SORBS2: variants seen among roughly 807,000 people sequenced by gnomAD.
SORBS2 encodes sorbin and SH3 domain-containing protein 2.
SORBS2 carries 46 observed loss-of-function variants against 97.7 expected under a neutral mutation model. That is an observed-to-expected ratio of 0.47 (90% confidence interval 0.37 to 0.60). The LOEUF (loss-of-function observed/expected upper bound fraction) is 0.60. SORBS2 is among the 20% of genes least tolerant of loss of function. The pLI is 0.00. For synonymous variants in SORBS2, 476 were observed against 473.4 expected (o/e 1.01, Z -0.07); for missense variants, 1,316 against 1,282.3 (o/e 1.03, Z -0.40).
intron 9 of SORBS2, among the ~76,000 whole-genome samples, chr4:185,617,030 T>C (rs1208952346): frequency 6.6e-6 from 1 of 152,254 alleles, no homozygotes; most frequent in Non-Finnish European, 1.5e-5. Context: ...ATTACAGGCA[T>C]GAGCCACCGT....
At chr4:185,654,803 A>G (rs1363800638) in intron 1 of SORBS2, among the ~76,000 whole-genome samples, 2 of 68,524 alleles carry the variant, frequency 2.9e-5, no homozygotes, top group Non-Finnish European at 7.5e-5. Flanking sequence ...GCAATTCACT[A>G]TGCCGTTTTT....
Position 185,886,694 on chromosome 4 carries a change from A to G in SORBS2, c.-338+69502T>C, listed in dbSNP as rs1259231901. Among the ~76,000 whole-genome samples the G allele has an allele frequency of 2.6e-5, 4 of 152,298 alleles. No individual in the cohort carries two copies. The South Asian group carries it at 8.3e-4, about 32-fold the overall frequency. On this transcript the variant is annotated intron_variant, in intron 1 of 20. Coordinates refer to the SORBS2 transcript ENST00000284776. ...TTCCGTGTGGGAAAGTACATGCTAA[A>G]AGGAAATTAGAAGATCTGTACCAAG...
intron 4 of SORBS2, among the ~76,000 whole-genome samples, chr4:185,667,078 A>G (rs2097618089): frequency 6.6e-6 from 1 of 152,224 alleles, no homozygotes; most frequent in Admixed American, 6.5e-5. Flanking sequence ...GACAAATAGG[A>G]TGATAAGTAC....
intron 2 of SORBS2, among the ~76,000 whole-genome samples, chr4:185,683,579 C>A (rs2153507470): frequency 6.6e-6 from 1 of 152,284 alleles, no homozygotes; most frequent in South Asian, 2.1e-4. Context: ...GCATGAGCCA[C>A]TACATACAAA....
intron 1 of SORBS2, among the ~76,000 whole-genome samples, chr4:185,802,442 T>C (rs2099135309): frequency 1.3e-5 from 2 of 152,238 alleles, no homozygotes; most frequent in African/African-American, 4.8e-5. Context: ...ACATCCACAG[T>C]TGGGTCTGAC....
chr4:185,937,978 G>A (rs192271574), intron 1 of SORBS2, among the ~76,000 whole-genome samples: 1 of 151,076 alleles, frequency 6.6e-6, no homozygotes, highest in Non-Finnish European at 1.5e-5. Context: ...GTCAGTGGCT[G>A]CCTGCCTCCT....
rs2096459649 is a variant in SORBS2, at chr4:185,607,834, A to G, written c.2796+3946T>C. On this transcript the variant is annotated intron_variant, in intron 12 of 14. Coordinates refer to ENST00000418609, the Ensembl canonical transcript of SORBS2. This position sits in a 1 kb window ranked among gnomAD's most constrained non-coding sequence, Gnocchi z 5.2. ...TTCATCCTCCCGAGTAGCTGGGACT[A>G]CAGGCGCATGTCACCAGTACAGCTA... Among the ~76,000 whole-genome samples the G allele has an allele frequency of 6.6e-6, 1 of 151,970 alleles. No homozygotes were observed. Among genetic ancestry groups the G allele is most frequent in the Admixed American group, 6.6e-5 (1 of 15,260 alleles).
intron 1 of SORBS2, among the ~76,000 whole-genome samples, chr4:185,914,953 G>A (rs2149895536): frequency 6.6e-6 from 1 of 152,238 alleles, no homozygotes; most frequent in Non-Finnish European, 1.5e-5. Context: ...TATGTCTAAT[G>A]GATTTTTTCC....
intron 1 of SORBS2, among the ~76,000 whole-genome samples, chr4:185,797,345 C>A (rs76550224): frequency 0.011 from 1,623 of 152,286 alleles, 32 homozygotes; most frequent in African/African-American, 0.037. Flanking sequence ...ATTTCGTAAT[C>A]TTTTCTTGTG....
chr4:185,639,599 A>G (rs762266229), intron 4 of SORBS2, among the ~76,000 whole-genome samples: 2 of 152,238 alleles, frequency 1.3e-5, no homozygotes, highest in African/African-American at 4.8e-5. Flanking sequence ...TAGTAAATCT[A>G]AGAGCTTAAA....
At chr4:185,942,067 GATCATGCCAC>G (rs1231003818) in intron 1 of SORBS2, among the ~76,000 whole-genome samples, 1 of 152,082 alleles carries the variant, frequency 6.6e-6, no homozygotes, top group Non-Finnish European at 1.5e-5. Context: ...AGTGAGCCAA[GATCATGCCAC>G]TGCACTCCAG....
intron 1 of SORBS2, among the ~76,000 whole-genome samples, chr4:185,863,424 A>G (rs1043851225): frequency 6.6e-6 from 1 of 152,242 alleles, no homozygotes; most frequent in Non-Finnish European, 1.5e-5. Flanking sequence ...GGAATTTATC[A>G]CTATCTCCAA....
intron 4 of SORBS2, chr4:185,666,269 C>T (rs547222273): frequency 1.7e-5 from 15 of 873,432 alleles, no homozygotes; most frequent in Non-Finnish European, 2.1e-5. Context: ...CCTCTTTTTG[C>T]GATGTGGCAG....
chr4:185,889,551 C>G (rs923024677), intron 1 of SORBS2, among the ~76,000 whole-genome samples: 1 of 152,088 alleles, frequency 6.6e-6, no homozygotes, highest in Non-Finnish European at 1.5e-5. Flanking sequence ...TATTGGATAT[C>G]TCTGCTTCGA....
At chr4:185,630,514 T>G in intron 5 of SORBS2, 35 bp downstream of exon 17, 1 of 1,369,952 alleles carries the variant, frequency 7.3e-7, no homozygotes, top group South Asian at 1.3e-5. Flanking sequence ...ACCACTGGTA[T>G]AGAATATTCT....
At chr4:185,805,622 G>A (rs545001393) in intron 1 of SORBS2, among the ~76,000 whole-genome samples, 6 of 152,224 alleles carry the variant, frequency 3.9e-5, no homozygotes, top group African/African-American at 1.4e-4. Flanking sequence ...TAAGCCTGGC[G>A]CTCTAGGTCC....
At chr4:185,798,495 A>C (rs2099115923) in intron 1 of SORBS2, among the ~76,000 whole-genome samples, 1 of 151,844 alleles carries the variant, frequency 6.6e-6, no homozygotes, top group Non-Finnish European at 1.5e-5. Flanking sequence ...AGCAGAAAAA[A>C]CTCGTGGAGG....
At chr4:185,672,874 A>G (rs987303196) in intron 4 of SORBS2, among the ~76,000 whole-genome samples, 4 of 152,324 alleles carry the variant, frequency 2.6e-5, no homozygotes, top group Middle Eastern at 3.4e-3. Flanking sequence ...CAAGTGTTTA[A>G]AATGGAAAGG....
At chr4:185,790,455 T>C (rs1201762890) in intron 1 of SORBS2, among the ~76,000 whole-genome samples, 1 of 152,238 alleles carries the variant, frequency 6.6e-6, no homozygotes, top group Non-Finnish European at 1.5e-5. Flanking sequence ...TTGCCACTTA[T>C]CTGTTGAATG....
Sources: gnomAD v4.1 joint callset for allele counts (sites outside exome capture counted in the v4.1 genomes callset) on GRCh38, gnomAD v4.1.1 for gene constraint, Gnocchi (gnomAD v3.1) non-coding constraint, MANE v1.5 for transcripts, NCBI Gene and HGNC (gene_info 2026-07-23, HGNC 2026-07-21) for gene names.